Variants in MACROD2 observed in about 807,000 individuals in gnomAD.
MACROD2 encodes mono-ADP ribosylhydrolase 2.
Under a neutral mutation model 70.4 loss-of-function variants are expected in MACROD2, and 36 were observed. The ratio of observed to expected loss-of-function variants is 0.51; its 90% CI spans 0.39 to 0.68. The LOEUF (loss-of-function observed/expected upper bound fraction) is 0.68. Among genes scored for constraint, MACROD2 ranks in the 30% least tolerant of loss-of-function variants. The pLI, the probability that MACROD2 is intolerant of heterozygous loss-of-function variation, is 0.00. For synonymous variants in MACROD2, 172 were observed against 178.8 expected (o/e 0.96, Z 0.30); for missense variants, 496 against 538.4 (o/e 0.92, Z 0.78).
intron 8 of MACROD2, among the ~76,000 whole-genome samples, chr20:15,534,131 A>G (rs994895677): frequency 1.3e-5 from 2 of 152,224 alleles, no homozygotes; most frequent in African/African-American, 2.4e-5. Flanking sequence ...GTGATGCATT[A>G]TACCATGCTG....
chr20:16,013,509 G>C (rs1466515575), intron 15 of MACROD2, among the ~76,000 whole-genome samples: 1 of 152,158 alleles, frequency 6.6e-6, no homozygotes, highest in Non-Finnish European at 1.5e-5. Flanking sequence ...GGGGTAGTTT[G>C]GGAGAACACC....
intron 5 of MACROD2, among the ~76,000 whole-genome samples, chr20:14,874,048 A>G (rs1453202831): frequency 6.6e-6 from 1 of 152,146 alleles, no homozygotes; most frequent in East Asian, 1.9e-4. Context: ...AAGACGTGTT[A>G]GGCCAGATAA....
At chr20:14,192,146 C>T (rs1468794267) in intron 3 of MACROD2, among the ~76,000 whole-genome samples, 1 of 152,092 alleles carries the variant, frequency 6.6e-6, no homozygotes. Flanking sequence ...TCTTCATATT[C>T]CTAGTTGGAA....
At chr20:14,620,268 A>G (rs2123450699) in intron 4 of MACROD2, among the ~76,000 whole-genome samples, 4 of 152,038 alleles carry the variant, frequency 2.6e-5, no homozygotes. Context: ...TGTCCAAGTG[A>G]CCCATATGTT....
chr20:15,819,888 T>C (rs1377867610), intron 8 of MACROD2, among the ~76,000 whole-genome samples: 1 of 152,166 alleles, frequency 6.6e-6, no homozygotes, highest in Non-Finnish European at 1.5e-5. Context: ...GAATTTTGGA[T>C]TTTTGTTAAA....
intron 5 of MACROD2, among the ~76,000 whole-genome samples, chr20:14,784,081 A>T (rs879437160): frequency 6.6e-6 from 1 of 151,960 alleles, no homozygotes; most frequent in Non-Finnish European, 1.5e-5. Context: ...GTCCTGAAAC[A>T]TCATCTACAC....
intron 3 of MACROD2, among the ~76,000 whole-genome samples, chr20:14,487,595 C>G (rs986766103): frequency 2.6e-5 from 4 of 152,118 alleles, no homozygotes; most frequent in African/African-American, 9.7e-5. Flanking sequence ...CTCTCATTCC[C>G]TTATCTTCCA....
intron 13 of MACROD2, among the ~76,000 whole-genome samples, chr20:15,974,614 G>C (rs1449337426): frequency 6.6e-6 from 1 of 152,002 alleles, no homozygotes; most frequent in East Asian, 1.9e-4. Flanking sequence ...ATTATACATT[G>C]CCAAAACCCA....
intron 3 of MACROD2, among the ~76,000 whole-genome samples, chr20:14,139,169 C>G (rs1173055987): frequency 6.6e-6 from 1 of 152,102 alleles, no homozygotes; most frequent in Non-Finnish European, 1.5e-5. Flanking sequence ...ACCTCTTTAT[C>G]ATTTAGAATA....
chr20:15,306,155 T>C (rs971013887), intron 6 of MACROD2, among the ~76,000 whole-genome samples: 3 of 152,226 alleles, frequency 2.0e-5, no homozygotes, highest in African/African-American at 7.2e-5. Flanking sequence ...AAAATAGTTA[T>C]TACCTGACAG....
chr20:14,665,636 C>T (rs2123546789), intron 4 of MACROD2, among the ~76,000 whole-genome samples: 1 of 151,798 alleles, frequency 6.6e-6, no homozygotes, highest in East Asian at 1.9e-4. Flanking sequence ...TGAAGCCATT[C>T]TTACCTAAGT....
chr20:15,805,492 T>C (rs1366674742), intron 8 of MACROD2, among the ~76,000 whole-genome samples: 1 of 151,882 alleles, frequency 6.6e-6, no homozygotes, highest in Non-Finnish European at 1.5e-5. Context: ...TTTTTTTTTT[T>C]TGAGATGGAG....
chr20:14,863,590 C>A (rs997817532), intron 5 of MACROD2, among the ~76,000 whole-genome samples: 15 of 151,952 alleles, frequency 9.9e-5, no homozygotes, highest in Non-Finnish European at 1.2e-4. Flanking sequence ...AATATAGTTA[C>A]ATAAATGTGA....
chr20:14,867,307 C>A (rs1164898279), intron 5 of MACROD2, among the ~76,000 whole-genome samples: 1 of 152,094 alleles, frequency 6.6e-6, no homozygotes, highest in Non-Finnish European at 1.5e-5. Context: ...AGATTTTGAA[C>A]CTTGATACTG....
chr20:14,144,788 A>G (rs1372621934), intron 3 of MACROD2, among the ~76,000 whole-genome samples: 2 of 152,142 alleles, frequency 1.3e-5, no homozygotes, highest in East Asian at 3.9e-4. Flanking sequence ...CTACACTGGT[A>G]TGTTATTTGT....
At chr20:14,681,878 T>C (rs1600533649) in intron 4 of MACROD2, among the ~76,000 whole-genome samples, 2 of 152,076 alleles carry the variant, frequency 1.3e-5, no homozygotes, top group East Asian at 3.9e-4. Context: ...AAATCTGGGG[T>C]TTTGAATCAC....
chr20:14,924,271 T>C lies in MACROD2; in HGVS notation c.418+239312T>C, dbSNP rs1311594147. ...AGGCCAAGCCTGGCCAAACATTGTC[T>C]CTACTAAAAATACAGAAATTAGCCT... On this transcript the variant is annotated intron_variant, in intron 5 of 17. Coordinates refer to ENST00000684519, the MANE Select transcript of MACROD2 (RefSeq NM_001351661.2). Among the ~76,000 whole-genome samples the C allele has an allele frequency of 3.3e-5, 5 of 151,802 alleles. No homozygotes were observed. In the East Asian group the frequency reaches 9.7e-4, roughly 29 times the overall value.
rs145043877 is a variant in MACROD2, at chr20:15,947,102, A to G, written c.907+9558A>G. On this transcript the variant is annotated intron_variant, in intron 12 of 17. Coordinates refer to ENST00000684519, the MANE Select transcript of MACROD2 (RefSeq NM_001351661.2). ...CCCGCCACAGGGCGGTTTTTCTCCT[A>G]TCTCAGAATTGAACAAATGTACAAT... 6.7e-3 allele frequency among the ~76,000 whole-genome samples: 1,025 copies of G among 152,252 alleles called. 16 individuals are homozygous for G. Among genetic ancestry groups the G allele is most frequent in the African/African-American group, 0.024 (982 of 41,552 alleles).
intron 5 of MACROD2, chr20:14,935,428 T>G (rs759337478): frequency 6.6e-6 from 1 of 152,146 alleles, no homozygotes; most frequent in Non-Finnish European, 1.5e-5. Flanking sequence ...GAATCTCAGG[T>G]AAGGCTCAGG....
Sources: allele counts gnomAD v4.1 joint callset (sites outside exome capture counted in the v4.1 genomes callset), GRCh38; gene constraint gnomAD v4.1.1; transcripts MANE v1.5; gene names NCBI Gene and HGNC (gene_info 2026-07-23, HGNC 2026-07-21).